FAM161A: variants seen among roughly 807,000 people sequenced by gnomAD.
The protein encoded by FAM161A is protein FAM161A.
Under a neutral mutation model 70.9 loss-of-function variants are expected in FAM161A, and 57 were observed. The observed-to-expected ratio is 0.80, with a 90% CI of 0.65 to 1.00. FAM161A has a LOEUF of 1.00. FAM161A is among the 50% of genes least tolerant of loss of function. FAM161A has a pLI of 0.00. For synonymous variants in FAM161A, 299 were observed against 295.7 expected (o/e 1.01, Z -0.12); for missense variants, 880 against 836.0 (o/e 1.05, Z -0.65).
At chr2:61,834,565 C>A (rs1245613441) in intron 5 of FAM161A, among the ~76,000 whole-genome samples, 2 of 151,786 alleles carry the variant, frequency 1.3e-5, no homozygotes, top group East Asian at 3.9e-4. Flanking sequence ...CAAGTTCAAG[C>A]AATTCTCCTG....
Position 61,834,053 on chromosome 2 carries a change from A to C in FAM161A, c.1851+1957T>G, listed in dbSNP as rs544691694. 2.0e-5 allele frequency among the ~76,000 whole-genome samples: 3 copies of C among 152,314 alleles called. No homozygotes were observed. In the East Asian group the frequency reaches 5.8e-4, roughly 29 times the overall value. ...ATATTTTTCTAAAAAAATCAGACAG[A>C]CAATAACAAGTGCTGATGCTATTCA... On this transcript the variant is annotated intron_variant, in intron 5 of 6. Transcript: ENST00000404929.
At chr2:61,832,657 C>T (rs941223946) in intron 5 of FAM161A, among the ~76,000 whole-genome samples, 1 of 152,150 alleles carries the variant, frequency 6.6e-6, no homozygotes, top group African/African-American at 2.4e-5. Context: ...GCATTATGGC[C>T]TGAGCCCTGC....
chr2:61,801,856 C>T, the FAM161A span, among the ~76,000 whole-genome samples: 8 of 151,972 alleles, frequency 5.3e-5, no homozygotes, highest in Non-Finnish European at 1.0e-4. Flanking sequence ...CCACCGTGCC[C>T]GGCTTGAATA....
the FAM161A span, among the ~76,000 whole-genome samples, chr2:61,809,498 A>G: frequency 2.0e-5 from 3 of 152,296 alleles, no homozygotes; most frequent in Non-Finnish European, 4.4e-5. Context: ...TCCAGGAAGC[A>G]TCTCCGTTAG....
the FAM161A span, among the ~76,000 whole-genome samples, chr2:61,807,570 AGTGGGGG>A: frequency 6.7e-6 from 1 of 150,278 alleles, no homozygotes; most frequent in Non-Finnish European, 1.5e-5. Context: ...GGCTCTGCAA[AGTGGGGG>A]ACTTTGCAGA....
chr2:61,803,769 G>A, the FAM161A span, among the ~76,000 whole-genome samples: 1 of 152,084 alleles, frequency 6.6e-6, no homozygotes, highest in Non-Finnish European at 1.5e-5. Flanking sequence ...AGCTGAGATC[G>A]CACCATTGTA....
chr2:61,841,561 C>T (rs1673020744), intron 2 of FAM161A, among the ~76,000 whole-genome samples: 1 of 152,138 alleles, frequency 6.6e-6, no homozygotes, highest in Admixed American at 6.6e-5. Flanking sequence ...TTTTGGTTCT[C>T]AGCTAGTCTC....
chr2:61,811,016 C>T, the FAM161A span, among the ~76,000 whole-genome samples: 1 of 152,154 alleles, frequency 6.6e-6, no homozygotes, highest in Non-Finnish European at 1.5e-5. Context: ...TACCATCCTC[C>T]AATTGCTCCC....
the FAM161A span, among the ~76,000 whole-genome samples, chr2:61,806,174 C>T: frequency 6.6e-6 from 1 of 151,962 alleles, no homozygotes; most frequent in Non-Finnish European, 1.5e-5. Flanking sequence ...GCCGAGACTG[C>T]ACTACTGCAC....
In FAM161A at chr2:61,831,212, ACTTT is replaced by A. The variant is rs201416617; in HGVS notation, c.1852-3958_1852-3955del. ...TTGGTCTTCCCAAATAATACTTCAT[ACTTT>A]CTTTCTTGTATTATAGTATCACCCA... is the stretch of plus-strand genomic sequence containing the variant. On this transcript the variant is annotated intron_variant, in intron 5 of 6. Transcript: ENST00000404929. Among the ~76,000 whole-genome samples, 756 of 151,932 alleles carry A rather than the reference ACTTT, an allele frequency of 5.0e-3. 3 individuals carry two copies. Among genetic ancestry groups the A allele is most frequent in the African/African-American group, 0.018 (736 of 41,452 alleles).
intron 1 of FAM161A, among the ~76,000 whole-genome samples, chr2:61,844,483 G>A (rs1012798580): frequency 7.9e-5 from 12 of 152,048 alleles, no homozygotes; most frequent in African/African-American, 2.7e-4. Context: ...CAGATCACTT[G>A]AGGTCAGGAG....
chr2:61,822,931 A>G (rs1020970691), downstream of FAM161A, among the ~76,000 whole-genome samples: 3 of 152,150 alleles, frequency 2.0e-5, no homozygotes, highest in African/African-American at 7.2e-5. Context: ...AAATGTTGAA[A>G]TCTTTGCTAT....
chr2:61,824,856 C>A lies in FAM161A; in HGVS notation c.*1599G>T, dbSNP rs1350766675. 2.0e-5 allele frequency: 8 copies of A among 402,688 alleles called. No individual in the cohort carries two copies. Among genetic ancestry groups the A allele is most frequent in the Non-Finnish European group, 3.4e-5 (7 of 207,746 alleles). The allele number at this position is 402,688 out of a possible 1,614,324, so 24.9% of individuals were successfully genotyped here. On this transcript the variant is annotated 3_prime_UTR_variant, in exon 7 of 7. Coordinates refer to ENST00000404929, the MANE Select transcript of FAM161A (RefSeq NM_001201543.2). ...AGTATATAAAAACCATATTCATCTA[C>A]ACACTCATTCAAACCTTTATTAAGT...
rs1297098484 is a variant in FAM161A at position 61,840,245 on chromosome 2, T to C, written c.759A>G (p.Glu253=). ...TATCTGATTTAGATTTCATGGACTC[T>C]TCTTTTTTCTTCTGTTCTCTTATCA... The part of the protein sequence containing the change: ...QMMIREQKKK[E]ESMKSKSDIE... The change falls in exon 3 of 7, where the codon GAA becomes GAG. Residue 253 remains glutamate, a synonymous_variant. Transcript: ENST00000404929. The C allele has an allele frequency of 6.2e-6, 10 of 1,613,906 alleles. No homozygotes were observed. Among genetic ancestry groups the C allele is most frequent in the Non-Finnish European group, 8.5e-6 (10 of 1,179,994 alleles).
rs1369880388 is a variant in FAM161A, at chr2:61,826,036, A to C, written c.*419T>G. 2.2e-6 allele frequency: 1 copy of C among 455,282 alleles called. No homozygotes were observed. Among genetic ancestry groups the C allele is most frequent in the African/African-American group, 2.0e-5 (1 of 50,030 alleles). The allele number at this position is 455,282 out of a possible 1,614,324, so 28.2% of individuals were successfully genotyped here. On this transcript the variant is annotated 3_prime_UTR_variant, in exon 7 of 7. Coordinates refer to ENST00000404929, the MANE Select transcript of FAM161A (RefSeq NM_001201543.2). ...GAGAAAAAGAATGGGCAAATAGTAT[A>C]ATTAAAAATAGTTATTGATTCACAC...
intron 5 of FAM161A, among the ~76,000 whole-genome samples, chr2:61,832,260 CCAACAA>C (rs755126973): frequency 8.0e-6 from 1 of 124,798 alleles, no homozygotes; most frequent in Non-Finnish European, 1.7e-5. Context: ...CAAAAAAAAA[CCAACAA>C]CAACAACAAC....
chr2:61,801,582 T>C, the FAM161A span, among the ~76,000 whole-genome samples: 3 of 151,550 alleles, frequency 2.0e-5, no homozygotes, highest in African/African-American at 7.3e-5. Flanking sequence ...TTTTTTTTTT[T>C]TGAGATAGAG....
chr2:61,842,083 AT>A, intron 2 of FAM161A, 38 bp downstream of exon 2: 1 of 1,263,888 alleles, frequency 7.9e-7, no homozygotes. Context: ...GATACATTTT[AT>A]TTTATACTCC....
chr2:61,827,288 G>A, intron 5 of FAM161A, 30 bp from the exon 6 acceptor site: 2 of 1,608,170 alleles, frequency 1.2e-6, no homozygotes, highest in Non-Finnish European at 1.7e-6. Context: ...TTTTAGACGA[G>A]AACAGAAGAC....
Sources: allele counts gnomAD v4.1 joint callset (sites outside exome capture counted in the v4.1 genomes callset), GRCh38; gene constraint gnomAD v4.1.1; transcripts MANE v1.5; gene names NCBI Gene and HGNC (gene_info 2026-07-23, HGNC 2026-07-21).